Variants in RAP1GDS1 observed in about 807,000 individuals in gnomAD.
The protein encoded by RAP1GDS1 is RAP1, GTP-GDP dissociation stimulator 1.
In RAP1GDS1, 35 loss-of-function variants were observed where a neutral mutation model predicts 71.1. That is an observed-to-expected ratio of 0.49 (90% confidence interval 0.38 to 0.65). The LOEUF (loss-of-function observed/expected upper bound fraction) is 0.65. RAP1GDS1 is among the 30% of genes least tolerant of loss of function. RAP1GDS1 has a pLI of 0.00. For missense variants in RAP1GDS1, 663 were observed against 706.1 expected, an observed-to-expected ratio of 0.94 and a Z score of 0.69; for synonymous variants, 229 against 243.1, an observed-to-expected ratio of 0.94 and a Z score of 0.54.
At chr4:98,301,960 A>G (rs530522151) in intron 2 of RAP1GDS1, among the ~76,000 whole-genome samples, 2 of 152,296 alleles carry the variant, frequency 1.3e-5, no homozygotes, top group Admixed American at 6.5e-5. Context: ...AAGAGGGAGC[A>G]TTTGAACTAA....
rs397994660 is a variant in RAP1GDS1 at position 98,443,015 on chromosome 4, ATTTTTTTT to A, written c.*914_*921del. The A allele has an allele frequency of 0.013, 1,786 of 138,346 alleles. 41 individuals carry two copies. The highest frequency in any genetic ancestry group is 0.063 in the African/African-American group (1,611 of 25,380). 8.6% of individuals were successfully genotyped at this position (138,346 alleles called of 1,614,324 possible). On this transcript the variant is annotated 3_prime_UTR_variant, in exon 15 of 15. Coordinates refer to ENST00000408927, the MANE Select transcript of RAP1GDS1 (RefSeq NM_001100427.2). ...TGAGTATAGTTCATTGAAGAATGGA[ATTTTTTTT>A]TTTTTTTTTTTTTTTGCTGTTTTTC...
chr4:98,320,137 G>C (rs1376462398), intron 2 of RAP1GDS1, among the ~76,000 whole-genome samples: 2 of 152,146 alleles, frequency 1.3e-5, no homozygotes, highest in Non-Finnish European at 2.9e-5. Context: ...CTGAATATGT[G>C]TTAATTGTTA....
intron 1 of RAP1GDS1, among the ~76,000 whole-genome samples, chr4:98,277,125 A>G (rs1375804822): frequency 6.6e-6 from 1 of 152,190 alleles, no homozygotes; most frequent in Non-Finnish European, 1.5e-5. Context: ...GCACACATAC[A>G]TAACACACAC....
At chr4:98,316,099 T>C (rs1400021091) in intron 2 of RAP1GDS1, among the ~76,000 whole-genome samples, 1 of 152,112 alleles carries the variant, frequency 6.6e-6, no homozygotes, top group African/African-American at 2.4e-5. Flanking sequence ...ACAGGCAAAG[T>C]ATATGGCTAG....
chr4:98,430,855 C>T (rs1013309152), intron 12 of RAP1GDS1, among the ~76,000 whole-genome samples: 19 of 152,208 alleles, frequency 1.2e-4, no homozygotes, highest in African/African-American at 4.6e-4. Context: ...TGAATTCCGT[C>T]TTGGAGTTCA....
intron 7 of RAP1GDS1, among the ~76,000 whole-genome samples, chr4:98,412,932 C>A (rs1747283886): frequency 6.6e-6 from 1 of 152,208 alleles, no homozygotes; most frequent in South Asian, 2.1e-4. Context: ...GCAAAGATCA[C>A]AAGGCAAAGG....
rs114119140 is a variant in RAP1GDS1 at position 98,374,068 on chromosome 4, A to G, written c.362-4949A>G. Among the ~76,000 whole-genome samples, 1,136 of 152,220 alleles carry G rather than the reference A, an allele frequency of 7.5e-3. 15 individuals are homozygous for G. The highest frequency in any genetic ancestry group is 0.026 in the African/African-American group (1,086 of 41,516). ...TTTTTTTTATTATTTTCATGCTACC[A>G]TTGACCATGGGTAACAAACTGCAGA... On this transcript the variant is annotated intron_variant, in intron 4 of 14. Coordinates refer to ENST00000408927, the MANE Select transcript of RAP1GDS1 (RefSeq NM_001100427.2).
At chr4:98,381,200 C>A (rs574558768) in intron 5 of RAP1GDS1, among the ~76,000 whole-genome samples, 102 of 151,630 alleles carry the variant, frequency 6.7e-4, no homozygotes, top group Non-Finnish European at 8.0e-4. Context: ...GACAAATGGT[C>A]TTTTTCTTCC....
In RAP1GDS1 at chr4:98,416,334, G is replaced by GTTTTTT. The variant is rs70955932; in HGVS notation, c.764-386_764-381dup. ...ATTATCTAAATCATGCATTTTCTTA[G>GTTTTTT]TTTTTTTTTTTTTTTTTTTTTTTTT... On this transcript the variant is annotated intron_variant, in intron 7 of 14. Transcript: ENST00000408927. 1.1e-3 allele frequency among the ~76,000 whole-genome samples: 56 copies of GTTTTTT among 51,572 alleles called. 7 individuals carry two copies. Among genetic ancestry groups the GTTTTTT allele is most frequent in the African/African-American group, 1.5e-3 (17 of 11,488 alleles). The allele number at this position is 51,572 out of a possible 152,430, so 33.8% of individuals were successfully genotyped here.
chr4:98,375,343 C>G (rs1741017760), intron 4 of RAP1GDS1, among the ~76,000 whole-genome samples: 1 of 152,138 alleles, frequency 6.6e-6, no homozygotes, highest in Admixed American at 6.6e-5. Context: ...TAGGACCTCA[C>G]CTTAACTAAT....
At chr4:98,406,745 A>G (rs1746171855) in intron 7 of RAP1GDS1, among the ~76,000 whole-genome samples, 1 of 152,120 alleles carries the variant, frequency 6.6e-6, no homozygotes, top group Admixed American at 6.5e-5. Flanking sequence ...TATACTTGTC[A>G]TGAAAGAAAG....
At chr4:98,355,346 G>A (rs1737801785) in intron 4 of RAP1GDS1, among the ~76,000 whole-genome samples, 4 of 152,036 alleles carry the variant, frequency 2.6e-5, no homozygotes, top group Admixed American at 2.6e-4. Context: ...ATATATTTGT[G>A]TTTTATCTAA....
At chr4:98,358,564 A>G (rs771516730) in intron 4 of RAP1GDS1, among the ~76,000 whole-genome samples, 2 of 152,008 alleles carry the variant, frequency 1.3e-5, no homozygotes, top group Non-Finnish European at 2.9e-5. Flanking sequence ...TGTGTGATAT[A>G]TCCAAGTTCT....
At chr4:98,421,144 A>T (rs1748795629) in intron 11 of RAP1GDS1, 111 bp from the exon 12 acceptor site, 2 of 1,206,176 alleles carry the variant, frequency 1.7e-6, no homozygotes, top group African/African-American at 1.5e-5. Flanking sequence ...CTTTAATGAA[A>T]TTGTCGTGCT....
chr4:98,396,661 G>A (rs1744595502), intron 6 of RAP1GDS1: 1 of 152,178 alleles, frequency 6.6e-6, no homozygotes, highest in Non-Finnish European at 1.5e-5. Context: ...TTTATATAAT[G>A]AGTCAGTTAT....
intron 2 of RAP1GDS1, among the ~76,000 whole-genome samples, chr4:98,328,563 G>C (rs566059284): frequency 6.6e-6 from 1 of 152,120 alleles, no homozygotes; most frequent in Non-Finnish European, 1.5e-5. Context: ...TTTAGGATTC[G>C]TTCTAGTCTA....
chr4:98,303,544 G>C (rs954024304), intron 2 of RAP1GDS1, among the ~76,000 whole-genome samples: 2 of 150,512 alleles, frequency 1.3e-5, no homozygotes, highest in Admixed American at 6.6e-5. Context: ...GGTAGTAGCT[G>C]ATCAAAGTGC....
chr4:98,320,862 G>A (rs1444122883), intron 2 of RAP1GDS1, among the ~76,000 whole-genome samples: 19 of 89,436 alleles, frequency 2.1e-4, no homozygotes, highest in Middle Eastern at 4.8e-3. Context: ...AACGCAGAGC[G>A]CCTCTCCTCC....
intron 1 of RAP1GDS1, among the ~76,000 whole-genome samples, chr4:98,290,076 G>C (rs1423093384): frequency 6.6e-6 from 1 of 152,020 alleles, no homozygotes; most frequent in Admixed American, 6.6e-5. Flanking sequence ...CTTGTCTCCT[G>C]TCGGTTTTAT....
Sources: gnomAD v4.1 joint callset for allele counts (sites outside exome capture counted in the v4.1 genomes callset) on GRCh38, gnomAD v4.1.1 for gene constraint, MANE v1.5 for transcripts, NCBI Gene and HGNC (gene_info 2026-07-23, HGNC 2026-07-21) for gene names.